Variants in PDK1 observed in about 807,000 individuals in gnomAD.
PDK1 encodes [Pyruvate dehydrogenase (acetyl-transferring)] kinase isozyme 1, mitochondrial.
A neutral mutation model predicts 54.2 loss-of-function variants in PDK1; 39 were observed. That is an observed-to-expected ratio of 0.72 (90% CI 0.56 to 0.94). The LOEUF (loss-of-function observed/expected upper bound fraction) is 0.94. PDK1 is among the 40% of genes least tolerant of loss of function. The pLI is 0.00. For synonymous variants in PDK1, 221 were observed against 207.1 expected, an observed-to-expected ratio of 1.07 and a Z score of -0.58; for missense variants, 552 against 566.0, an observed-to-expected ratio of 0.98 and a Z score of 0.25.
At chr2:172,721,175 C>T in the PDK1 span, among the ~76,000 whole-genome samples, 137 of 152,294 alleles carry the variant, frequency 9.0e-4, 3 homozygotes, top group East Asian at 0.021. Flanking sequence ...TTCTTAGAGA[C>T]GCCTTGGATT....
intron 9 of PDK1, among the ~76,000 whole-genome samples, chr2:172,590,033 AC>A (rs1456718526): frequency 7.9e-5 from 12 of 152,166 alleles, no homozygotes; most frequent in African/African-American, 2.9e-4. Flanking sequence ...GATTTCTAAG[AC>A]AGTGGGGTAG....
chr2:172,632,991 A>AAAAAAAAAAAAAAAAAAAAAAAAC, the PDK1 span, among the ~76,000 whole-genome samples: 1 of 147,486 alleles, frequency 6.8e-6, no homozygotes, highest in Admixed American at 6.7e-5. Flanking sequence ...AAAAAAAAAA[A>AAAAAAAAAAAAAAAAAAAAAAAAC]AAGGAACATA....
the PDK1 span, among the ~76,000 whole-genome samples, chr2:172,709,255 G>C: frequency 6.6e-6 from 1 of 152,074 alleles, no homozygotes; most frequent in Non-Finnish European, 1.5e-5. Context: ...CTCACAACTT[G>C]CTTTCAGCTA....
the PDK1 span, among the ~76,000 whole-genome samples, chr2:172,672,915 G>A: frequency 1.3e-5 from 2 of 152,164 alleles, no homozygotes; most frequent in Non-Finnish European, 2.9e-5. Flanking sequence ...CAGCATCAAA[G>A]CATGTTACCA....
At chr2:172,657,136 C>T in the PDK1 span, among the ~76,000 whole-genome samples, 1 of 151,978 alleles carries the variant, frequency 6.6e-6, no homozygotes, top group African/African-American at 2.4e-5. Flanking sequence ...TGCCCTGTGA[C>T]CTCAATTCTC....
intron 10 of PDK1, among the ~76,000 whole-genome samples, chr2:172,594,331 A>C (rs891820376): frequency 6.6e-6 from 1 of 152,160 alleles, no homozygotes; most frequent in Non-Finnish European, 1.5e-5. Context: ...GGCCTAGTGC[A>C]ATGTTTTTAT....
the PDK1 span, among the ~76,000 whole-genome samples, chr2:172,675,960 G>C: frequency 1.3e-5 from 2 of 151,824 alleles, no homozygotes; most frequent in Non-Finnish European, 2.9e-5. Context: ...AAATCCTAGG[G>C]CCCTTAAAAA....
At chr2:172,588,361 C>T (rs1386849652) in intron 9 of PDK1, among the ~76,000 whole-genome samples, 1 of 152,180 alleles carries the variant, frequency 6.6e-6, no homozygotes, top group Non-Finnish European at 1.5e-5. Flanking sequence ...GATACTGCTG[C>T]ATCTTAGATG....
chr2:172,716,000 A>T, the PDK1 span, among the ~76,000 whole-genome samples: 1 of 152,228 alleles, frequency 6.6e-6, no homozygotes, highest in East Asian at 1.9e-4. Flanking sequence ...GGAACCAGAG[A>T]ACATTTCATT....
intron 1 of PDK1, among the ~76,000 whole-genome samples, chr2:172,557,770 CG>C (rs1365707798): frequency 1.3e-5 from 2 of 151,704 alleles, no homozygotes; most frequent in African/African-American, 2.4e-5. Context: ...CCACCATGCC[CG>C]GACTGCACTT....
At chr2:172,565,789 G>GT (rs935845383) in intron 5 of PDK1, among the ~76,000 whole-genome samples, 8 of 152,114 alleles carry the variant, frequency 5.3e-5, no homozygotes, top group Admixed American at 4.6e-4. Context: ...GGTGCTCTAT[G>GT]TTTTTTTCTA....
chr2:172,659,442 T>G, the PDK1 span, among the ~76,000 whole-genome samples: 2 of 152,208 alleles, frequency 1.3e-5, no homozygotes, highest in African/African-American at 4.8e-5. Flanking sequence ...GTCTTCATTT[T>G]CTTATGAGGG....
At chr2:172,619,640 G>A in the PDK1 span, among the ~76,000 whole-genome samples, 3 of 152,142 alleles carry the variant, frequency 2.0e-5, no homozygotes, top group African/African-American at 7.2e-5. Context: ...GGATTTCTCA[G>A]GTAATATCTC....
At chr2:172,559,526 T>G (rs371063462) in intron 2 of PDK1, among the ~76,000 whole-genome samples, 3 of 152,150 alleles carry the variant, frequency 2.0e-5, no homozygotes, top group African/African-American at 4.8e-5. Context: ...ATTCTCTCCA[T>G]TTTATTCATT....
At position 172,571,523 on chromosome 2, in the gene PDK1, C is replaced by T. The variant is rs185526730; in HGVS notation, c.945+699C>T. On this transcript the variant is annotated intron_variant, in intron 8 of 10. Transcript: ENST00000282077. ...GGACTGCAGGCTGCAGGCATGCAAG[C>T]CTGGCTAATTAAAAGAATTTTTTGG... Among the ~76,000 whole-genome samples the T allele has an allele frequency of 1.0e-3, 155 of 152,204 alleles. 1 individual carries two copies. The highest frequency in any genetic ancestry group is 4.5e-3 in the Admixed American group (69 of 15,284).
At chr2:172,661,350 G>A in the PDK1 span, among the ~76,000 whole-genome samples, 1 of 152,144 alleles carries the variant, frequency 6.6e-6, no homozygotes, top group Non-Finnish European at 1.5e-5. Flanking sequence ...TGAAAACAAA[G>A]GTAATAAATA....
chr2:172,625,200 A>G, the PDK1 span, among the ~76,000 whole-genome samples: 1 of 152,148 alleles, frequency 6.6e-6, no homozygotes, highest in South Asian at 2.1e-4. Flanking sequence ...TGTTAGCATC[A>G]ATGATTCTGA....
chr2:172,632,335 T>C, the PDK1 span, among the ~76,000 whole-genome samples: 1 of 152,050 alleles, frequency 6.6e-6, no homozygotes, highest in South Asian at 2.1e-4. Flanking sequence ...AACTTATAGA[T>C]TAATATAGGA....
chr2:172,595,636 G>A (rs1054228746), intron 10 of PDK1, among the ~76,000 whole-genome samples, 193 bp from the exon 11 acceptor site: 5 of 152,124 alleles, frequency 3.3e-5, no homozygotes, highest in Non-Finnish European at 7.3e-5. Context: ...ATCAGTCAGT[G>A]CCATAGATTT....
Sources: allele counts gnomAD v4.1 joint callset (sites outside exome capture counted in the v4.1 genomes callset), GRCh38; gene constraint gnomAD v4.1.1; transcripts MANE v1.5; gene names NCBI Gene and HGNC (gene_info 2026-07-23, HGNC 2026-07-21).